SORCS1: variants seen among roughly 807,000 people sequenced by gnomAD.
SORCS1 encodes VPS10 domain-containing receptor SorCS1.
A neutral mutation model predicts 146.1 loss-of-function variants in SORCS1; 60 were observed. The ratio of observed to expected loss-of-function variants is 0.41; its 90% CI spans 0.33 to 0.51. The LOEUF (loss-of-function observed/expected upper bound fraction) is 0.51, where lower values mean the gene tolerates loss of function less well. Ranked by LOEUF, SORCS1 falls within the 20% of genes least tolerant of loss-of-function variation. SORCS1 has a pLI of 0.21. For synonymous variants in SORCS1, 637 were observed against 584.0 expected (o/e 1.09, Z -1.31); for missense variants, 1,352 against 1,487.6 (o/e 0.91, Z 1.50).
intron 1 of SORCS1, among the ~76,000 whole-genome samples, chr10:106,985,879 T>C (rs78881466): frequency 0.22 from 33,991 of 151,816 alleles, 4,583 homozygotes; most frequent in Middle Eastern, 0.33. Context: ...GGCAATCTTA[T>C]AGATGATGAA....
chr10:106,776,404 T>G, intron 4 of SORCS1, 130 bp downstream of exon 4: 1 of 1,152,036 alleles, frequency 8.7e-7, no homozygotes, highest in Non-Finnish European at 1.2e-6. Flanking sequence ...CCTTGTCCCA[T>G]TAGCACAGAG....
chr10:106,886,885 G>A (rs1951023419), intron 2 of SORCS1, among the ~76,000 whole-genome samples: 1 of 152,208 alleles, frequency 6.6e-6, no homozygotes, highest in East Asian at 1.9e-4. Flanking sequence ...GCAACCAGCA[G>A]TTATTTATTA....
At chr10:106,840,873 TTTGGA>T (rs1312797878) in intron 2 of SORCS1, among the ~76,000 whole-genome samples, 2 of 147,344 alleles carry the variant, frequency 1.4e-5, no homozygotes, top group African/African-American at 4.9e-5. Flanking sequence ...ATTTTTTTTT[TTTGGA>T]TGGAGTCTTG....
intron 1 of SORCS1, among the ~76,000 whole-genome samples, chr10:107,150,428 T>C (rs1034184486): frequency 1.3e-5 from 2 of 152,228 alleles, no homozygotes; most frequent in Non-Finnish European, 2.9e-5. Flanking sequence ...GATGAACATA[T>C]GGCTTCAAAG....
chr10:106,925,069 A>G (rs565392092), intron 2 of SORCS1, among the ~76,000 whole-genome samples: 20 of 152,342 alleles, frequency 1.3e-4, no homozygotes, highest in African/African-American at 4.6e-4. Flanking sequence ...TATCTTATGT[A>G]CTTAAAAATC....
Position 107,022,748 on chromosome 10 carries a change from G to A in SORCS1, c.559-66168C>T, listed in dbSNP as rs149849319. On this transcript the variant is annotated intron_variant, in intron 1 of 25. Transcript: ENST00000263054. Reference sequence around the variant, plus strand: ...GGTCTACAGAAATGCATAATAAATTGACCAGTCAGAAGAACAACACAGCAG... The same window carrying A: ...GGTCTACAGAAATGCATAATAAATTAACCAGTCAGAAGAACAACACAGCAG... Among the ~76,000 whole-genome samples the A allele has an allele frequency of 9.1e-3, 1,382 of 152,306 alleles. 9 individuals carry two copies. Among genetic ancestry groups the A allele is most frequent in the Middle Eastern group, 0.041 (12 of 294 alleles).
intron 18 of SORCS1, among the ~76,000 whole-genome samples, chr10:106,630,181 T>C (rs1299755288): frequency 6.6e-6 from 1 of 152,166 alleles, no homozygotes; most frequent in Non-Finnish European, 1.5e-5. Context: ...GTTCCCTAAT[T>C]GTATCATAGG....
At chr10:106,706,242 G>A (rs1288989758) in intron 8 of SORCS1, among the ~76,000 whole-genome samples, 1 of 144,502 alleles carries the variant, frequency 6.9e-6, no homozygotes, top group Non-Finnish European at 1.5e-5. Context: ...AAAGTAAGAT[G>A]AAAGAAAGAA....
chr10:106,675,138 C>T lies in SORCS1; in HGVS notation c.1851G>A (p.Gly617=). The change falls in exon 14 of 26, where the codon GGG becomes GGA. Residue 617 remains glycine (G), a synonymous_variant. Coordinates refer to ENST00000263054, the MANE Select transcript of SORCS1 (RefSeq NM_052918.5). The part of the protein sequence containing the change: ...IRHLWLSFDE[G]RSWSKYSFTS... ...TGAAACTGTATTTGCTCCAAGATCTCCCTTCATCAAAACTCAACCTAATGA... is the reference window on the plus strand; with the variant it reads ...TGAAACTGTATTTGCTCCAAGATCTTCCTTCATCAAAACTCAACCTAATGA... 2 of 1,613,342 alleles carry T rather than the reference C, an allele frequency of 1.2e-6. No homozygotes were observed. The highest frequency in any genetic ancestry group is 1.1e-5 in the South Asian group (1 of 91,006).
intron 1 of SORCS1, among the ~76,000 whole-genome samples, chr10:107,119,896 G>A (rs1010567950): frequency 1.3e-5 from 2 of 152,122 alleles, no homozygotes; most frequent in Non-Finnish European, 2.9e-5. Context: ...AGGCCTGAGA[G>A]TCTCTATCTA....
intron 1 of SORCS1, among the ~76,000 whole-genome samples, chr10:107,083,763 G>A (rs886432891): frequency 7.2e-5 from 11 of 152,190 alleles, no homozygotes; most frequent in African/African-American, 2.7e-4. Context: ...GAGGATGAGG[G>A]CTGCATATGA....
chr10:106,630,759 C>T (rs190840857), intron 18 of SORCS1, among the ~76,000 whole-genome samples: 7 of 152,122 alleles, frequency 4.6e-5, no homozygotes, highest in Admixed American at 2.6e-4. Context: ...ACAATTGTCC[C>T]TTTAAAGCTT....
chr10:107,168,666 C>CTTT (rs57998261), upstream of SORCS1, among the ~76,000 whole-genome samples: 4 of 119,270 alleles, frequency 3.4e-5, no homozygotes, highest in African/African-American at 8.8e-5. Context: ...CAGCTCATGC[C>CTTT]TTTTTTTTTT....
chr10:106,635,959 T>C (rs773777712), intron 18 of SORCS1, among the ~76,000 whole-genome samples: 9 of 152,064 alleles, frequency 5.9e-5, no homozygotes, highest in East Asian at 3.9e-4. Flanking sequence ...TCTAGGGAGG[T>C]AGACTCAGGT....
chr10:107,133,546 C>T (rs1967029425), intron 1 of SORCS1, among the ~76,000 whole-genome samples: 1 of 152,118 alleles, frequency 6.6e-6, no homozygotes, highest in Admixed American at 6.5e-5. Context: ...TGAAGCAGTA[C>T]ATTTGGGGGT....
At chr10:107,136,673 T>A (rs920481079) in intron 1 of SORCS1, among the ~76,000 whole-genome samples, 3 of 152,162 alleles carry the variant, frequency 2.0e-5, no homozygotes, top group African/African-American at 4.8e-5. Flanking sequence ...CATAACCACA[T>A]TGATTATTAA....
intron 1 of SORCS1, among the ~76,000 whole-genome samples, chr10:107,113,689 CAAAAAAAA>C: frequency 2.0e-5 from 1 of 49,196 alleles, no homozygotes; most frequent in South Asian, 7.3e-4. Context: ...GACTCCATCT[CAAAAAAAA>C]AAAAAAAAAA....
At chr10:107,180,056 A>G in the SORCS1 span, among the ~76,000 whole-genome samples, 2 of 151,750 alleles carry the variant, frequency 1.3e-5, no homozygotes, top group African/African-American at 4.8e-5. Context: ...AGCTGGGACT[A>G]CAGATGTCTG....
chr10:106,753,169 G>A (rs561866244), intron 5 of SORCS1, among the ~76,000 whole-genome samples: 3 of 150,282 alleles, frequency 2.0e-5, no homozygotes, highest in African/African-American at 7.3e-5. Flanking sequence ...TCCTTTTTTT[G>A]TAACCTTTTT....
Sources: gnomAD v4.1 joint callset for allele counts (sites outside exome capture counted in the v4.1 genomes callset) on GRCh38, gnomAD v4.1.1 for gene constraint, MANE v1.5 for transcripts, NCBI Gene and HGNC (gene_info 2026-07-23, HGNC 2026-07-21) for gene names.